PDE1C: variants seen among roughly 807,000 people sequenced by gnomAD.
PDE1C encodes the protein phosphodiesterase 1C, also known as dual specificity calcium/calmodulin-dependent 3',5'-cyclic nucleotide phosphodiesterase 1C.
Under a neutral mutation model 93.1 loss-of-function variants are expected in PDE1C, and 62 were observed. That is an observed-to-expected ratio of 0.67 (90% CI 0.54 to 0.82). The LOEUF (loss-of-function observed/expected upper bound fraction) is 0.82. PDE1C is among the 40% of genes least tolerant of loss of function. PDE1C has a pLI of 0.00. For synonymous variants in PDE1C, 325 were observed against 310.1 expected, an observed-to-expected ratio of 1.05 and a Z score of -0.50; for missense variants, 742 against 884.6, an observed-to-expected ratio of 0.84 and a Z score of 2.04.
intron 2 of PDE1C, among the ~76,000 whole-genome samples, chr7:32,037,103 T>A (rs1791204753): frequency 6.6e-6 from 1 of 152,112 alleles, no homozygotes; most frequent in Admixed American, 6.6e-5. Context: ...AAAGGGGGGA[T>A]CACATCTCAT....
chr7:31,648,178 A>G, the PDE1C span, among the ~76,000 whole-genome samples: 13 of 152,208 alleles, frequency 8.5e-5, no homozygotes, highest in African/African-American at 2.9e-4. Flanking sequence ...AATAAGAAAA[A>G]GTAATATGAG....
intron 1 of PDE1C, among the ~76,000 whole-genome samples, chr7:32,404,649 A>G (rs215737): frequency 0.85 from 129,347 of 152,202 alleles, 57,278 homozygotes; most frequent in East Asian, 0.99. Context: ...TTATTTTTCA[A>G]TAGCTGTTAT....
chr7:31,935,219 A>G lies in PDE1C; in HGVS notation c.129-54359T>C, dbSNP rs6969053. ...GGCAGCCTGAGTAGATGAAAACGATAAAAACTTTCTCATATTGACACAACA... is the reference window on the plus strand; with the variant it reads ...GGCAGCCTGAGTAGATGAAAACGATGAAAACTTTCTCATATTGACACAACA... On this transcript the variant is annotated intron_variant, in intron 2 of 17. Transcript: ENST00000396191. Among the ~76,000 whole-genome samples the G allele has an allele frequency of 6.3e-3, 953 of 152,326 alleles. 12 individuals are homozygous for G. The highest frequency in any genetic ancestry group is 0.022 in the African/African-American group (906 of 41,582).
the PDE1C span, chr7:31,643,857 T>C: frequency 6.2e-7 from 1 of 1,613,942 alleles, no homozygotes; most frequent in Non-Finnish European, 8.5e-7. Flanking sequence ...CCTCAGTCTG[T>C]AGGCACTGCC....
intron 1 of PDE1C, among the ~76,000 whole-genome samples, chr7:32,290,902 C>G (rs1407122942): frequency 6.6e-6 from 1 of 152,050 alleles, no homozygotes; most frequent in East Asian, 1.9e-4. Flanking sequence ...TACAGTTTTT[C>G]AAACAACAGT....
chr7:32,296,431 A>G (rs1024052021), intron 1 of PDE1C, among the ~76,000 whole-genome samples: 1 of 152,278 alleles, frequency 6.6e-6, no homozygotes, highest in Admixed American at 6.5e-5. Context: ...GCATTGTGCT[A>G]AATTGTATCT....
chr7:32,061,993 A>T (rs1442719522), intron 1 of PDE1C, among the ~76,000 whole-genome samples: 1 of 152,138 alleles, frequency 6.6e-6, no homozygotes, highest in African/African-American at 2.4e-5. Flanking sequence ...GCTGTAGATT[A>T]TATCTCCAGA....
At chr7:31,859,831 TGTG>T (rs1794464840) in intron 7 of PDE1C, among the ~76,000 whole-genome samples, 1 of 152,218 alleles carries the variant, frequency 6.6e-6, no homozygotes. Context: ...TATATATCTA[TGTG>T]TATATACATG....
At chr7:32,149,630 G>T (rs1467519798) in intron 3 of PDE1C, among the ~76,000 whole-genome samples, 1 of 152,162 alleles carries the variant, frequency 6.6e-6, no homozygotes, top group Non-Finnish European at 1.5e-5. Context: ...TATATTTGTG[G>T]ATGTTTAAAC....
intron 3 of PDE1C, among the ~76,000 whole-genome samples, chr7:32,120,397 T>G (rs1799231448): frequency 6.6e-6 from 1 of 152,214 alleles, no homozygotes; most frequent in South Asian, 2.1e-4. Context: ...ACAGTCAAAG[T>G]GCTTCATTAA....
intron 2 of PDE1C, among the ~76,000 whole-genome samples, chr7:31,883,676 AG>A (rs1432766132): frequency 6.6e-6 from 1 of 152,242 alleles, no homozygotes; most frequent in African/African-American, 2.4e-5. Context: ...CAAGTCATGA[AG>A]GGGCCTCATA....
intron 2 of PDE1C, among the ~76,000 whole-genome samples, chr7:32,187,222 G>A (rs192016727): frequency 1.5e-4 from 23 of 152,034 alleles, no homozygotes; most frequent in Middle Eastern, 3.4e-3. Flanking sequence ...TCCAACTCCT[G>A]GGCTCAAGCA....
At chr7:32,416,577 G>T (rs1335670827) in intron 1 of PDE1C, among the ~76,000 whole-genome samples, 2 of 152,050 alleles carry the variant, frequency 1.3e-5, no homozygotes, top group African/African-American at 4.8e-5. Context: ...AATTTCATCA[G>T]CTAGCCTCAT....
At chr7:31,980,209 T>C (rs374230350) in intron 2 of PDE1C, among the ~76,000 whole-genome samples, 10 of 152,194 alleles carry the variant, frequency 6.6e-5, no homozygotes, top group African/African-American at 2.4e-4. Context: ...GTCCACTTTA[T>C]TACAAGGTTA....
intron 3 of PDE1C, among the ~76,000 whole-genome samples, chr7:32,088,113 A>G (rs4551232): frequency 0.63 from 95,005 of 151,912 alleles, 30,086 homozygotes; most frequent in African/African-American, 0.71. Context: ...TAGCATTTCA[A>G]TGATAGCCTA....
At chr7:32,303,694 G>A (rs1279129915), upstream of PDE1C, among the ~76,000 whole-genome samples, 7 of 152,236 alleles carry the variant, frequency 4.6e-5, no homozygotes, top group South Asian at 4.1e-4. Context: ...TGCCAAAAAC[G>A]TACCCAGAAG....
chr7:31,997,847 A>G (rs1177380212), intron 2 of PDE1C, among the ~76,000 whole-genome samples: 2 of 152,156 alleles, frequency 1.3e-5, no homozygotes, highest in Non-Finnish European at 2.9e-5. Flanking sequence ...TGCTTAGACA[A>G]CGATGAATTG....
intron 3 of PDE1C, among the ~76,000 whole-genome samples, chr7:32,165,764 G>A (rs951202283): frequency 6.6e-6 from 1 of 152,204 alleles, no homozygotes; most frequent in Non-Finnish European, 1.5e-5. Flanking sequence ...CAATAGGTAA[G>A]TGACCTGCTC....
chr7:32,064,938 A>AC lies in PDE1C; in HGVS notation c.101+5354dup, dbSNP rs1449462099. On this transcript the variant is annotated intron_variant, in intron 1 of 17. Coordinates refer to ENST00000396191, the MANE Select transcript of PDE1C (RefSeq NM_001191057.4). ...TGCACTAGATGAGCTGCAAGAGGAC[A>AC]CCACACATTAAGCTTTTAAGGAAAG... Among the ~76,000 whole-genome samples the AC allele has an allele frequency of 3.3e-5, 5 of 151,698 alleles. No individual in the cohort carries two copies. In the Admixed American group the frequency reaches 3.3e-4, roughly 10 times the overall value.
Sources: gnomAD v4.1 joint callset for allele counts (sites outside exome capture counted in the v4.1 genomes callset) on GRCh38, gnomAD v4.1.1 for gene constraint, MANE v1.5 for transcripts, NCBI Gene and HGNC (gene_info 2026-07-23, HGNC 2026-07-21) for gene names.